RAB5C: variants seen among roughly 807,000 people sequenced by gnomAD.
RAB5C encodes ras-related protein Rab-5C.
A neutral mutation model predicts 25.2 loss-of-function variants in RAB5C; 4 were observed. The observed-to-expected ratio is 0.16, with a 90% confidence interval of 0.08 to 0.36. The LOEUF is 0.36. Ranked by LOEUF, RAB5C falls within the 10% of genes least tolerant of loss-of-function variation. RAB5C has a pLI of 1.00. For missense variants in RAB5C, 199 were observed against 283.8 expected (o/e 0.70, Z 2.15); for synonymous variants, 100 against 106.4 (o/e 0.94, Z 0.37).
At chr17:42,139,272 AAC>A (rs1441105227) in intron 1 of RAB5C, among the ~76,000 whole-genome samples, 2 of 152,218 alleles carry the variant, frequency 1.3e-5, no homozygotes, top group African/African-American at 4.8e-5. Flanking sequence ...CCTGCTGGCC[AAC>A]AGAGGAGACA....
intron 1 of RAB5C, among the ~76,000 whole-genome samples, chr17:42,147,072 A>AAAAGAAAG (rs976863509): frequency 4.7e-5 from 7 of 150,168 alleles, no homozygotes; most frequent in South Asian, 2.1e-4. Flanking sequence ...GAAAGAAAGA[A>AAAAGAAAG]AAAGAAAGAA....
chr17:42,152,647 T>C (rs1359901662), intron 1 of RAB5C, among the ~76,000 whole-genome samples: 3 of 151,450 alleles, frequency 2.0e-5, no homozygotes, highest in African/African-American at 4.9e-5. Context: ...GGCGTGGTGG[T>C]GCATGGCTGT....
intron 1 of RAB5C, chr17:42,154,632 G>T (rs561273619): frequency 7.9e-5 from 12 of 152,400 alleles, no homozygotes; most frequent in African/African-American, 2.9e-4. Context: ...GCGGAACTTA[G>T]GGTACCTCTC....
At chr17:42,131,085 A>G (rs1291364493) in intron 1 of RAB5C, among the ~76,000 whole-genome samples, 2 of 152,200 alleles carry the variant, frequency 1.3e-5, no homozygotes, top group African/African-American at 2.4e-5. Flanking sequence ...AGGTCCTGGT[A>G]GAAAGCTCCT....
At chr17:42,142,498 T>C (rs953306387) in intron 1 of RAB5C, among the ~76,000 whole-genome samples, 3 of 152,182 alleles carry the variant, frequency 2.0e-5, no homozygotes, top group African/African-American at 7.2e-5. Flanking sequence ...TGCTAGAGGT[T>C]TGGAAACTGG....
chr17:42,141,755 G>C (rs570051267), intron 1 of RAB5C, among the ~76,000 whole-genome samples: 10 of 152,286 alleles, frequency 6.6e-5, no homozygotes, highest in Admixed American at 2.6e-4. Flanking sequence ...GGAGAGACCA[G>C]TACCACCCGT....
At chr17:42,138,044 T>G (rs567366186) in intron 1 of RAB5C, among the ~76,000 whole-genome samples, 3 of 152,320 alleles carry the variant, frequency 2.0e-5, no homozygotes, top group South Asian at 2.1e-4. Context: ...ATTTACTGTT[T>G]GGGCTTAACT....
chr17:42,125,879 G>A lies in RAB5C; in HGVS notation c.555C>T (p.Asn185=), dbSNP rs782432088. The A allele has an allele frequency of 5.6e-6, 9 of 1,610,470 alleles. No homozygotes were observed. Among genetic ancestry groups the A allele is most frequent in the East Asian group, 4.5e-5 (2 of 44,806 alleles). ...GAGCACCAGTTGCATTCTGGGGCTC[G>A]TTCTTGGGAAGCTTCTTAGCTGTTT... The part of the protein sequence containing the change: ...FMAIAKKLPK[N]EPQNATGAPG... Residue 185 remains asparagine (N), a synonymous_variant, in exon 6 of 6, where the codon AAC becomes AAT. Coordinates refer to ENST00000346213, the MANE Select transcript of RAB5C (RefSeq NM_004583.4).
intron 1 of RAB5C, among the ~76,000 whole-genome samples, chr17:42,148,108 CA>C (rs925733025): frequency 4.0e-5 from 6 of 149,252 alleles, no homozygotes; most frequent in East Asian, 4.0e-4. Context: ...CAAAAACAAA[CA>C]AAAAAAAAGA....
chr17:42,134,425 T>A (rs2054515946), intron 1 of RAB5C, among the ~76,000 whole-genome samples: 1 of 152,168 alleles, frequency 6.6e-6, no homozygotes, highest in Admixed American at 6.5e-5. Context: ...TTGATTTTTT[T>A]AAATTAGCCA....
intron 1 of RAB5C, among the ~76,000 whole-genome samples, chr17:42,132,919 G>A (rs921805006): frequency 1.3e-5 from 2 of 152,128 alleles, no homozygotes; most frequent in African/African-American, 4.8e-5. Flanking sequence ...GAACCCCCCA[G>A]ACCCACCATA....
chr17:42,152,176 C>T (rs902203771), intron 1 of RAB5C, among the ~76,000 whole-genome samples: 1 of 151,938 alleles, frequency 6.6e-6, no homozygotes, highest in Non-Finnish European at 1.5e-5. Flanking sequence ...AAACAAGCCC[C>T]ACTATTTCCC....
chr17:42,153,017 T>C (rs1050169538), intron 1 of RAB5C, among the ~76,000 whole-genome samples: 2 of 152,206 alleles, frequency 1.3e-5, no homozygotes, highest in African/African-American at 2.4e-5. Flanking sequence ...ACTAGGTTGG[T>C]TGAAGAAGTC....
Position 42,130,633 on chromosome 17 carries a change from G to A in RAB5C, c.-88-43C>T, listed in dbSNP as rs746468655. 82 of 1,477,490 alleles carry A rather than the reference G, an allele frequency of 5.5e-5. No individual in the cohort carries two copies. The East Asian group carries it at 1.4e-3, about 26-fold the overall frequency. 91.5% of individuals were successfully genotyped at this position (1,477,490 alleles called of 1,614,324 possible). On this transcript the variant is annotated intron_variant, in intron 1 of 5. Coordinates refer to ENST00000346213, the MANE Select transcript of RAB5C (RefSeq NM_004583.4). ...GAAGTACTGAGTTAGTTCAGAGGCC[G>A]TCACCCGCTGTGTCCTTCTTAAATT...
At chr17:42,132,144 C>T (rs1398378066) in intron 1 of RAB5C, among the ~76,000 whole-genome samples, 1 of 152,174 alleles carries the variant, frequency 6.6e-6, no homozygotes, top group Non-Finnish European at 1.5e-5. Context: ...AAGCTGACAG[C>T]AAAGGGCTTG....
chr17:42,147,782 G>A (rs2079646220), intron 1 of RAB5C, among the ~76,000 whole-genome samples: 1 of 152,216 alleles, frequency 6.6e-6, no homozygotes, highest in Non-Finnish European at 1.5e-5. Flanking sequence ...GTGAAGAAAG[G>A]AAGGGAAGTG....
chr17:42,132,518 C>CA (rs957666617), intron 1 of RAB5C, among the ~76,000 whole-genome samples: 2 of 152,068 alleles, frequency 1.3e-5, no homozygotes, highest in African/African-American at 4.8e-5. Context: ...ACTAGGAACT[C>CA]AAAGAGTGCT....
chr17:42,153,015 G>A (rs2079681980), intron 1 of RAB5C, among the ~76,000 whole-genome samples: 1 of 152,214 alleles, frequency 6.6e-6, no homozygotes, highest in Non-Finnish European at 1.5e-5. Flanking sequence ...AAACTAGGTT[G>A]GTTGAAGAAG....
At chr17:42,144,007 A>G (rs1007182662) in intron 1 of RAB5C, among the ~76,000 whole-genome samples, 1 of 151,992 alleles carries the variant, frequency 6.6e-6, no homozygotes, top group Non-Finnish European at 1.5e-5. Context: ...GCTGGTCTCA[A>G]ACTCTTGGCC....
Sources: gnomAD v4.1 joint callset for allele counts (sites outside exome capture counted in the v4.1 genomes callset) on GRCh38, gnomAD v4.1.1 for gene constraint, MANE v1.5 for transcripts, NCBI Gene and HGNC (gene_info 2026-07-23, HGNC 2026-07-21) for gene names.